CDK14: variants seen among roughly 807,000 people sequenced by gnomAD.
The protein encoded by CDK14 is cyclin-dependent kinase 14.
In CDK14, 34 loss-of-function variants were observed where a neutral mutation model predicts 60.7. That is an observed-to-expected ratio of 0.56 (90% CI 0.43 to 0.75). The LOEUF is 0.75. Among genes scored for constraint, CDK14 ranks in the 30% least tolerant of loss-of-function variants. The pLI is 0.00. For missense variants in CDK14, 482 were observed against 564.1 expected (o/e 0.85, Z 1.47); for synonymous variants, 197 against 203.7 (o/e 0.97, Z 0.28).
chr7:90,604,665 G>T (rs1799380770), intron 2 of CDK14, among the ~76,000 whole-genome samples: 1 of 152,164 alleles, frequency 6.6e-6, no homozygotes, highest in Non-Finnish European at 1.5e-5. Flanking sequence ...CATATTGTCT[G>T]TCAGTCTCCC....
chr7:91,141,829 G>A (rs1800471553), intron 14 of CDK14, among the ~76,000 whole-genome samples: 1 of 151,936 alleles, frequency 6.6e-6, no homozygotes, highest in Non-Finnish European at 1.5e-5. Context: ...TGTTGTTGCT[G>A]TTGTTCTTTT....
chr7:91,119,940 A>C (rs1421310781), intron 14 of CDK14, among the ~76,000 whole-genome samples: 1 of 152,192 alleles, frequency 6.6e-6, no homozygotes, highest in Non-Finnish European at 1.5e-5. Context: ...TGGTCAGACA[A>C]AGAGTGGGGC....
chr7:90,632,369 T>TG (rs756454677), intron 2 of CDK14: 3 of 305,684 alleles, frequency 9.8e-6, no homozygotes, highest in Non-Finnish European at 2.1e-5. Flanking sequence ...GTGCTGTGGG[T>TG]GGTAATTGCC....
At chr7:90,967,177 G>GGGAAGGAAGGAAGGAA (rs3832536) in intron 9 of CDK14, among the ~76,000 whole-genome samples, 1 of 136,258 alleles carries the variant, frequency 7.3e-6, no homozygotes, top group Non-Finnish European at 1.6e-5. Context: ...GAAGGAAGGA[G>GGGAAGGAAGGAAGGAA]GGAAGGAAGG....
At chr7:91,016,741 A>G (rs1796312271) in intron 10 of CDK14, among the ~76,000 whole-genome samples, 1 of 152,346 alleles carries the variant, frequency 6.6e-6, no homozygotes, top group African/African-American at 2.4e-5. Context: ...TTCATCATCT[A>G]TAGCATGTTT....
intron 8 of CDK14, among the ~76,000 whole-genome samples, chr7:90,920,165 G>A (rs751085054): frequency 2.0e-5 from 3 of 152,216 alleles, no homozygotes; most frequent in Non-Finnish European, 2.9e-5. Context: ...ACTGAAAACT[G>A]TAGAGAAATC....
chr7:91,027,132 G>A (rs999484455), intron 10 of CDK14, among the ~76,000 whole-genome samples: 5 of 152,146 alleles, frequency 3.3e-5, no homozygotes, highest in Non-Finnish European at 5.9e-5. Context: ...CCCACAATAC[G>A]TAACTGTTAT....
At chr7:90,616,884 A>G (rs941514247) in intron 2 of CDK14, among the ~76,000 whole-genome samples, 1 of 151,896 alleles carries the variant, frequency 6.6e-6, no homozygotes, top group Admixed American at 6.6e-5. Flanking sequence ...ATATATATAT[A>G]TGTGTGCCTG....
chr7:90,731,940 A>G (rs540645255), intron 3 of CDK14, among the ~76,000 whole-genome samples: 3 of 152,284 alleles, frequency 2.0e-5, no homozygotes, highest in East Asian at 3.9e-4. Flanking sequence ...GAATGCTTCC[A>G]GTTTTTGCTT....
intron 4 of CDK14, among the ~76,000 whole-genome samples, chr7:90,748,420 A>T (rs888095548): frequency 1.3e-5 from 2 of 152,146 alleles, no homozygotes; most frequent in African/African-American, 2.4e-5. Context: ...AAGGACAGAG[A>T]GTTACTGTAT....
intron 2 of CDK14, among the ~76,000 whole-genome samples, chr7:90,698,333 A>G (rs1801709795): frequency 6.6e-6 from 1 of 152,170 alleles, no homozygotes; most frequent in African/African-American, 2.4e-5. Flanking sequence ...ATCTACTATT[A>G]AAATACAGTT....
chr7:90,883,047 G>A (rs1791814617), intron 6 of CDK14, among the ~76,000 whole-genome samples: 1 of 151,666 alleles, frequency 6.6e-6, no homozygotes, highest in African/African-American at 2.4e-5. Context: ...AGAGGCAATA[G>A]CAAATGAATC....
Position 90,736,344 on chromosome 7 carries a change from G to GCTTTTTTTTTTTTTTTTTTTTT in CDK14, c.369+9532_369+9533insCTTTTTTTTTTTTTTTTTTTTT, listed in dbSNP as rs1563063351. Among the ~76,000 whole-genome samples the GCTTTTTTTTTTTTTTTTTTTTT allele has an allele frequency of 4.9e-5, 2 of 41,034 alleles. 1 individual carries two copies. Among genetic ancestry groups the GCTTTTTTTTTTTTTTTTTTTTT allele is most frequent in the African/African-American group, 1.8e-4 (2 of 11,156 alleles). 26.9% of individuals were successfully genotyped at this position (41,034 alleles called of 152,430 possible). A position where few individuals can be genotyped will look rare whatever the true frequency, so the allele number is the denominator to read the frequency against. On this transcript the variant is annotated intron_variant, in intron 3 of 14. Transcript: ENST00000380050. ...GTGATAAGAAGGGGTACTTTATTAT[G>GCTTTTTTTTTTTTTTTTTTTTT]TTTTTGTTTTTTTTTTTTTTTTTTT...
At chr7:90,990,252 T>C (rs904553596) in intron 10 of CDK14, among the ~76,000 whole-genome samples, 3 of 152,154 alleles carry the variant, frequency 2.0e-5, no homozygotes, top group African/African-American at 7.2e-5. Flanking sequence ...CACTCCAGCC[T>C]GCGTGACAGA....
intron 14 of CDK14, among the ~76,000 whole-genome samples, chr7:91,122,871 G>T (rs1324877870): frequency 6.6e-6 from 1 of 152,158 alleles, no homozygotes; most frequent in Non-Finnish European, 1.5e-5. Context: ...GCTGACTGAC[G>T]GTAGGCTGCC....
intron 14 of CDK14, among the ~76,000 whole-genome samples, chr7:91,152,472 G>A (rs1800853333): frequency 6.6e-6 from 1 of 152,000 alleles, no homozygotes; most frequent in Non-Finnish European, 1.5e-5. Flanking sequence ...AATTATTTCT[G>A]GTGCTTATGT....
At chr7:90,772,475 T>C (rs1804824300) in intron 4 of CDK14, among the ~76,000 whole-genome samples, 1 of 152,190 alleles carries the variant, frequency 6.6e-6, no homozygotes, top group African/African-American at 2.4e-5. Context: ...GGAGGGACCT[T>C]GTGGGAGGCG....
chr7:90,854,053 G>A (rs1205851131), intron 5 of CDK14, among the ~76,000 whole-genome samples: 5 of 152,184 alleles, frequency 3.3e-5, no homozygotes, highest in Non-Finnish European at 5.9e-5. Flanking sequence ...ACAAAGTTGA[G>A]TATCTTATGT....
chr7:90,971,852 T>C (rs1440123816), intron 9 of CDK14, among the ~76,000 whole-genome samples: 1 of 152,160 alleles, frequency 6.6e-6, no homozygotes, highest in African/African-American at 2.4e-5. Flanking sequence ...TTTAAGATTG[T>C]TGGGCTTCTC....
Sources: allele counts gnomAD v4.1 joint callset (sites outside exome capture counted in the v4.1 genomes callset), GRCh38; gene constraint gnomAD v4.1.1; transcripts MANE v1.5; gene names NCBI Gene and HGNC (gene_info 2026-07-23, HGNC 2026-07-21).